Variants in B3GALT1 observed in about 807,000 individuals in gnomAD.
B3GALT1 encodes the protein UDP-Gal:betaGlcNAc beta 1,3-galactosyltransferase, polypeptide 1.
In B3GALT1, 10 loss-of-function variants were observed where a neutral mutation model predicts 23.2. The observed-to-expected ratio is 0.43, with a 90% CI of 0.27 to 0.73. The LOEUF (loss-of-function observed/expected upper bound fraction) is 0.73. Among genes scored for constraint, B3GALT1 ranks in the 30% least tolerant of loss-of-function variants. The pLI is 0.21. For missense variants in B3GALT1, 299 were observed against 405.4 expected, an observed-to-expected ratio of 0.74 and a Z score of 2.25; for synonymous variants, 156 against 141.5, an observed-to-expected ratio of 1.10 and a Z score of -0.73.
At chr2:167,644,435 C>T (rs909999955) in intron 2 of B3GALT1, among the ~76,000 whole-genome samples, 1 of 152,034 alleles carries the variant, frequency 6.6e-6, no homozygotes, top group Non-Finnish European at 1.5e-5. Flanking sequence ...AACCCTGTAC[C>T]CAGAGTAGCT....
chr2:167,836,080 G>GA (rs1235684179), intron 4 of B3GALT1, among the ~76,000 whole-genome samples: 3 of 152,078 alleles, frequency 2.0e-5, no homozygotes, highest in Admixed American at 6.6e-5. Flanking sequence ...CAAAGATGGG[G>GA]AAAAAACAGA....
intron 1 of B3GALT1, among the ~76,000 whole-genome samples, chr2:167,419,988 A>T (rs1294718086): frequency 6.6e-6 from 1 of 152,344 alleles, no homozygotes; most frequent in South Asian, 2.1e-4. Context: ...TATTTAAAAC[A>T]TAATTAAATA....
intron 1 of B3GALT1, among the ~76,000 whole-genome samples, chr2:167,386,370 T>C (rs1553516242): frequency 1.3e-5 from 2 of 152,072 alleles, no homozygotes; most frequent in Non-Finnish European, 2.9e-5. Context: ...AATTTTATGG[T>C]GGGAAATCCA....
At position 167,293,325 on chromosome 2, in the gene B3GALT1, C is replaced by G. The variant is rs1203558500; in HGVS notation, c.-520C>G. On this transcript the variant is annotated 5_prime_UTR_variant, in exon 1 of 5. Coordinates refer to ENST00000392690, the MANE Select transcript of B3GALT1 (RefSeq NM_020981.4). Reference sequence around the variant, plus strand: ...GCCAGCCCAGCGGCCGGAGACCACGCGCCCCGCGGGTAAGGTTCTGTCCGG... The same window carrying G: ...GCCAGCCCAGCGGCCGGAGACCACGGGCCCCGCGGGTAAGGTTCTGTCCGG... 2 of 152,174 alleles carry G rather than the reference C, an allele frequency of 1.3e-5. No individual in the cohort carries two copies. The highest frequency in any genetic ancestry group is 2.9e-5 in the Non-Finnish European group (2 of 68,052). 9.4% of individuals were successfully genotyped at this position (152,174 alleles called of 1,614,324 possible).
chr2:167,754,666 A>G (rs909810457), intron 3 of B3GALT1, among the ~76,000 whole-genome samples: 1 of 152,106 alleles, frequency 6.6e-6, no homozygotes, highest in Non-Finnish European at 1.5e-5. Flanking sequence ...TCACCTTGCT[A>G]CCTTTCCACA....
intron 1 of B3GALT1, among the ~76,000 whole-genome samples, chr2:167,318,603 G>A (rs182805530): frequency 8.6e-4 from 131 of 152,068 alleles, no homozygotes; most frequent in Non-Finnish European, 1.6e-3. Flanking sequence ...CTTTAAAAAC[G>A]AGTTCATTAA....
intron 2 of B3GALT1, among the ~76,000 whole-genome samples, chr2:167,538,391 A>G (rs1452379145): frequency 6.6e-6 from 1 of 152,200 alleles, no homozygotes; most frequent in Non-Finnish European, 1.5e-5. Flanking sequence ...CTACATATAT[A>G]TTTATGTGTA....
intron 3 of B3GALT1, among the ~76,000 whole-genome samples, 200 bp downstream of exon 3, chr2:167,647,166 G>T (rs1256955363): frequency 6.6e-6 from 1 of 152,206 alleles, no homozygotes; most frequent in East Asian, 1.9e-4. Flanking sequence ...AAGTGGCCAT[G>T]TTCCCCATGA....
intron 3 of B3GALT1, among the ~76,000 whole-genome samples, chr2:167,726,669 T>G (rs1387641996): frequency 6.6e-6 from 1 of 152,222 alleles, no homozygotes; most frequent in Non-Finnish European, 1.5e-5. Flanking sequence ...TTATCCCCAG[T>G]TTACAGTTGA....
intron 3 of B3GALT1, among the ~76,000 whole-genome samples, chr2:167,779,389 T>C (rs1688211751): frequency 6.6e-6 from 1 of 152,236 alleles, no homozygotes; most frequent in African/African-American, 2.4e-5. Flanking sequence ...CTCAGGCTGG[T>C]AAATATTTTA....
chr2:167,660,499 G>A (rs966336890), intron 3 of B3GALT1, among the ~76,000 whole-genome samples: 4 of 152,028 alleles, frequency 2.6e-5, no homozygotes, highest in African/African-American at 9.7e-5. Flanking sequence ...TTGTAATTTG[G>A]CTTTTAAGGT....
At chr2:167,536,195 C>A (rs1298738274) in intron 2 of B3GALT1, among the ~76,000 whole-genome samples, 1 of 152,096 alleles carries the variant, frequency 6.6e-6, no homozygotes, top group Non-Finnish European at 1.5e-5. Flanking sequence ...GAGTGAGCCA[C>A]CGCGCCCAGC....
chr2:167,629,376 C>T (rs776911453), intron 2 of B3GALT1, among the ~76,000 whole-genome samples: 12 of 151,658 alleles, frequency 7.9e-5, no homozygotes, highest in African/African-American at 2.4e-4. Flanking sequence ...TTAATTTTGA[C>T]GTCAGCCTAT....
intron 3 of B3GALT1, among the ~76,000 whole-genome samples, chr2:167,760,123 T>C (rs915856719): frequency 2.0e-5 from 3 of 152,212 alleles, no homozygotes; most frequent in African/African-American, 7.2e-5. Context: ...CAGTTAAGGA[T>C]ACTGCCATAC....
intron 4 of B3GALT1, among the ~76,000 whole-genome samples, chr2:167,853,360 AT>A (rs1233853372): frequency 6.6e-6 from 1 of 152,028 alleles, no homozygotes. Context: ...AGAGTTCTCT[AT>A]TTTTTTAATT....
At chr2:167,426,927 A>G (rs1337335721) in intron 1 of B3GALT1, among the ~76,000 whole-genome samples, 1 of 152,236 alleles carries the variant, frequency 6.6e-6, no homozygotes, top group African/African-American at 2.4e-5. Context: ...TCATTGCAAC[A>G]TTGTTTTAAT....
At chr2:167,591,273 C>T (rs1684674297) in intron 2 of B3GALT1, among the ~76,000 whole-genome samples, 1 of 151,862 alleles carries the variant, frequency 6.6e-6, no homozygotes. Flanking sequence ...AAGTCATGAT[C>T]TGGGGGCATG....
chr2:167,563,543 C>CCCCCACCT (rs1684068082), intron 2 of B3GALT1, among the ~76,000 whole-genome samples: 1 of 4,276 alleles, frequency 2.3e-4, no homozygotes, highest in Non-Finnish European at 3.6e-4. Context: ...GGGCTGACCC[C>CCCCCACCT]CCCCACCTCC....
At chr2:167,307,324 T>C (rs1417059693) in intron 1 of B3GALT1, among the ~76,000 whole-genome samples, 2 of 152,056 alleles carry the variant, frequency 1.3e-5, no homozygotes, top group Non-Finnish European at 2.9e-5. Flanking sequence ...TCATAGCCTA[T>C]CTTATTCTCT....
Sources: gnomAD v4.1 joint callset for allele counts (sites outside exome capture counted in the v4.1 genomes callset) on GRCh38, gnomAD v4.1.1 for gene constraint, MANE v1.5 for transcripts, NCBI Gene and HGNC (gene_info 2026-07-23, HGNC 2026-07-21) for gene names.